Variants in CTNND2 observed in about 807,000 individuals in gnomAD.
CTNND2 encodes the protein catenin delta-2.
In CTNND2, 22 loss-of-function variants were observed where a neutral mutation model predicts 144.4. That is an observed-to-expected ratio of 0.15 (90% CI 0.11 to 0.22). The LOEUF (loss-of-function observed/expected upper bound fraction) is 0.22, where lower values mean the gene tolerates loss of function less well. CTNND2 is among the 10% of genes least tolerant of loss of function. The pLI, the probability that CTNND2 is intolerant of heterozygous loss-of-function variation, is 1.00. For synonymous variants in CTNND2, 751 were observed against 695.6 expected, an observed-to-expected ratio of 1.08 and a Z score of -1.25; for missense variants, 1,353 against 1,618.8, an observed-to-expected ratio of 0.84 and a Z score of 2.82.
At chr5:11,700,346 T>A (rs1227698455) in intron 2 of CTNND2, among the ~76,000 whole-genome samples, 8 of 152,234 alleles carry the variant, frequency 5.3e-5, no homozygotes, top group African/African-American at 1.9e-4. Context: ...GCCAAGATCA[T>A]GCAACTGTGC....
At chr5:11,026,716 G>A (rs1380200525) in intron 16 of CTNND2, among the ~76,000 whole-genome samples, 1 of 152,120 alleles carries the variant, frequency 6.6e-6, no homozygotes, top group Non-Finnish European at 1.5e-5. Context: ...AAATAATAGA[G>A]TGATTCATTC....
intron 12 of CTNND2, among the ~76,000 whole-genome samples, chr5:11,118,832 G>A (rs898854578): frequency 2.0e-5 from 3 of 152,074 alleles, no homozygotes; most frequent in African/African-American, 4.8e-5. Flanking sequence ...TGATAAAACC[G>A]AGCCTCAGAG....
intron 1 of CTNND2, among the ~76,000 whole-genome samples, chr5:11,794,618 C>T (rs899384241): frequency 6.6e-6 from 1 of 152,162 alleles, no homozygotes; most frequent in Admixed American, 6.5e-5. Context: ...TCTTTGTCCA[C>T]AAGGAATGCT....
chr5:11,458,958 T>C (rs959877456), intron 3 of CTNND2, among the ~76,000 whole-genome samples: 27 of 151,400 alleles, frequency 1.8e-4, no homozygotes, highest in Non-Finnish European at 3.1e-4. Context: ...TTGGTAGAGA[T>C]GGCATTTTGC....
At chr5:11,602,658 A>ATT (rs979177730) in intron 2 of CTNND2, among the ~76,000 whole-genome samples, 6 of 146,710 alleles carry the variant, frequency 4.1e-5, no homozygotes, top group Non-Finnish European at 9.0e-5. Context: ...AAATATATAT[A>ATT]TTATATATAA....
chr5:11,014,398 C>T (rs187680195), intron 18 of CTNND2, among the ~76,000 whole-genome samples: 7 of 152,298 alleles, frequency 4.6e-5, no homozygotes, highest in Admixed American at 3.9e-4. Flanking sequence ...CATGGCACAT[C>T]GTCTTTTCCT....
intron 1 of CTNND2, among the ~76,000 whole-genome samples, chr5:11,871,585 G>T (rs968446112): frequency 1.3e-5 from 2 of 152,150 alleles, no homozygotes; most frequent in Non-Finnish European, 2.9e-5. Context: ...AAGAAGAAAA[G>T]ATAATAAAAT....
intron 1 of CTNND2, among the ~76,000 whole-genome samples, chr5:11,894,623 T>C (rs1380179904): frequency 6.6e-6 from 1 of 152,244 alleles, no homozygotes; most frequent in East Asian, 1.9e-4. Context: ...TATACTTAAA[T>C]GTTTATTATG....
chr5:11,185,213 GA>G (rs1735504849), intron 11 of CTNND2, among the ~76,000 whole-genome samples: 1 of 152,102 alleles, frequency 6.6e-6, no homozygotes, highest in African/African-American at 2.4e-5. Context: ...CTCTTCAACT[GA>G]AGTTTCTCTT....
At chr5:11,492,503 A>ATGTG (rs1388488222) in intron 3 of CTNND2, among the ~76,000 whole-genome samples, 1 of 122,658 alleles carries the variant, frequency 8.2e-6, no homozygotes, top group African/African-American at 3.6e-5. Flanking sequence ...ATATATATAT[A>ATGTG]TATGTGTGTG....
intron 16 of CTNND2, among the ~76,000 whole-genome samples, chr5:11,075,611 G>C (rs1050445368): frequency 1.3e-5 from 2 of 152,216 alleles, no homozygotes; most frequent in Non-Finnish European, 2.9e-5. Flanking sequence ...GCCCTGGTTC[G>C]CCTGCTGGAA....
intron 2 of CTNND2, among the ~76,000 whole-genome samples, chr5:11,710,845 C>T (rs947989779): frequency 5.3e-5 from 8 of 152,174 alleles, no homozygotes; most frequent in Non-Finnish European, 7.4e-5. Context: ...GCTTTTGCTA[C>T]GTTTCTCTTT....
At chr5:11,608,085 A>G (rs1458146463) in intron 2 of CTNND2, among the ~76,000 whole-genome samples, 2 of 152,128 alleles carry the variant, frequency 1.3e-5, no homozygotes, top group Non-Finnish European at 2.9e-5. Context: ...CCCTCAAGAG[A>G]ACCCTGATGA....
intron 3 of CTNND2, among the ~76,000 whole-genome samples, chr5:11,435,493 C>T (rs1763690931): frequency 6.6e-6 from 1 of 152,104 alleles, no homozygotes; most frequent in Non-Finnish European, 1.5e-5. Flanking sequence ...TTTACAAGCC[C>T]TAGGTCTCTA....
rs568997438 is a variant in CTNND2 at position 11,389,405 on chromosome 5, A to T, written c.613-4176T>A. Among the ~76,000 whole-genome samples, 52 of 152,318 alleles carry T rather than the reference A, an allele frequency of 3.4e-4. 2 individuals are homozygous for T. The South Asian group carries it at 0.011, about 32-fold the overall frequency. Reference sequence around the variant, plus strand: ...TATGGAACATTAACTCATCAAAGCTATTACAAATTATTTTATCTGTATACA... The same window carrying T: ...TATGGAACATTAACTCATCAAAGCTTTTACAAATTATTTTATCTGTATACA... On this transcript the variant is annotated intron_variant, in intron 6 of 21. Transcript: ENST00000304623.
intron 9 of CTNND2, among the ~76,000 whole-genome samples, chr5:11,238,246 C>G (rs760588165): frequency 6.6e-6 from 1 of 152,114 alleles, no homozygotes; most frequent in Non-Finnish European, 1.5e-5. Context: ...ATAGCAACCT[C>G]CAAGACCACA....
chr5:11,406,390 T>C (rs543494612), intron 5 of CTNND2, among the ~76,000 whole-genome samples: 1 of 152,170 alleles, frequency 6.6e-6, no homozygotes, highest in Admixed American at 6.5e-5. Context: ...CCTTTTTCCC[T>C]GACCATGACT....
chr5:11,168,083 C>T lies in CTNND2; in HGVS notation c.1976-8324G>A, dbSNP rs61751833. The stretch of plus-strand genomic sequence containing the variant: ...AGCCTGAATTAATTTTATTTAAAAT[C>T]AGTTAATATTACAGACAAAAGACTA... On this transcript the variant is annotated intron_variant, in intron 11 of 21. Coordinates refer to ENST00000304623, the MANE Select transcript of CTNND2 (RefSeq NM_001332.4). Among the ~76,000 whole-genome samples the T allele has an allele frequency of 8.6e-4, 131 of 152,120 alleles. 1 individual carries two copies. The highest frequency in any genetic ancestry group is 3.1e-3 in the African/African-American group (128 of 41,504).
intron 1 of CTNND2, among the ~76,000 whole-genome samples, chr5:11,832,536 T>C (rs569968773): frequency 2.0e-5 from 3 of 152,286 alleles, no homozygotes; most frequent in African/African-American, 7.2e-5. Flanking sequence ...GAGAGACAGT[T>C]AGAAAATAGA....
Sources: allele counts gnomAD v4.1 joint callset (sites outside exome capture counted in the v4.1 genomes callset), GRCh38; gene constraint gnomAD v4.1.1; transcripts MANE v1.5; gene names NCBI Gene and HGNC (gene_info 2026-07-23, HGNC 2026-07-21).